CYB5R4: variants seen among roughly 807,000 people sequenced by gnomAD.
The protein encoded by CYB5R4 is N-terminal cytochrome b5 and cytochrome b5 oxidoreductase domain-containing protein.
CYB5R4 carries 55 observed loss-of-function variants against 70.2 expected under a neutral mutation model. The ratio of observed to expected loss-of-function variants is 0.78; its 90% confidence interval spans 0.63 to 0.98. CYB5R4 has a LOEUF of 0.98. Ranked by LOEUF, CYB5R4 falls within the 50% of genes least tolerant of loss-of-function variation. The pLI is 0.00. For missense variants in CYB5R4, 562 were observed against 612.6 expected, an observed-to-expected ratio of 0.92 and a Z score of 0.87; for synonymous variants, 197 against 199.5, an observed-to-expected ratio of 0.99 and a Z score of 0.11.
At chr6:83,959,799 C>A in intron 15 of CYB5R4, 25 bp from the exon 16 acceptor site, 1 of 1,582,868 alleles carries the variant, frequency 6.3e-7, no homozygotes, top group Non-Finnish European at 8.6e-7. Flanking sequence ...CCCTAAGAAA[C>A]ATGTGCTTTT....
At chr6:83,926,529 G>A (rs1245988985) in intron 10 of CYB5R4, among the ~76,000 whole-genome samples, 2 of 151,954 alleles carry the variant, frequency 1.3e-5, no homozygotes, top group African/African-American at 4.8e-5. Context: ...GTGTGTCTGT[G>A]TCCTAATGTC....
chr6:83,866,965 T>C (rs907651892), intron 2 of CYB5R4, among the ~76,000 whole-genome samples: 2 of 152,170 alleles, frequency 1.3e-5, no homozygotes, highest in Non-Finnish European at 2.9e-5. Context: ...CTACTCTATC[T>C]ATAGTAAGAT....
At chr6:83,927,271 A>G (rs1473491222) in intron 10 of CYB5R4, among the ~76,000 whole-genome samples, 1 of 152,230 alleles carries the variant, frequency 6.6e-6, no homozygotes, top group East Asian at 1.9e-4. Context: ...CTCCACTCAG[A>G]ACACTAAAAT....
intron 2 of CYB5R4, among the ~76,000 whole-genome samples, chr6:83,887,703 C>T (rs2099460472): frequency 6.9e-6 from 1 of 145,408 alleles, no homozygotes; most frequent in South Asian, 2.2e-4. Context: ...CTCAGTCAGT[C>T]CTTTTTTGGG....
At chr6:83,881,873 C>T (rs765524773) in intron 2 of CYB5R4, among the ~76,000 whole-genome samples, 41 of 152,186 alleles carry the variant, frequency 2.7e-4, no homozygotes, top group Non-Finnish European at 5.0e-4. Context: ...CTTGAATATA[C>T]CGATACCACA....
chr6:83,859,698 C>G lies in CYB5R4; in HGVS notation c.-85C>G, dbSNP rs1378321609. ...CCCGGAAGTGGGTCGGGGGCTTGGC[C>G]TCTGCCCGGCCACAGAGCCGGAGCT... On this transcript the variant is annotated 5_prime_UTR_variant, in exon 1 of 16. Transcript: ENST00000369681. 11 of 1,487,738 alleles carry G rather than the reference C, an allele frequency of 7.4e-6. No individual in the cohort carries two copies. The East Asian group carries it at 2.3e-4, about 32-fold the overall frequency. The allele number at this position is 1,487,738 out of a possible 1,614,324, so 92.2% of individuals were successfully genotyped here. A position where few individuals can be genotyped will look rare whatever the true frequency, so the allele number is the denominator to read the frequency against.
intron 14 of CYB5R4, among the ~76,000 whole-genome samples, chr6:83,945,924 G>A (rs1477038915): frequency 6.6e-6 from 1 of 152,122 alleles, no homozygotes; most frequent in Admixed American, 6.6e-5. Flanking sequence ...AACTGAGGTA[G>A]TAATTAATAG....
chr6:83,959,961 C>CATAACAAAAGGTTAACT lies in CYB5R4; in HGVS notation c.*85_*101dup. 2.8e-6 allele frequency: 3 copies of CATAACAAAAGGTTAACT among 1,081,088 alleles called. No homozygotes were observed. The South Asian group carries it at 4.8e-5, about 17-fold the overall frequency. The allele number at this position is 1,081,088 out of a possible 1,614,324, so 67.0% of individuals were successfully genotyped here. On this transcript the variant is annotated 3_prime_UTR_variant, in exon 16 of 16. Transcript: ENST00000369681. ...GGTTTTTTAAGAGAACATTTTTGTA[C>CATAACAAAAGGTTAACT]ATAACAAAAGGTTAACTAGAATCCA...
intron 14 of CYB5R4, among the ~76,000 whole-genome samples, chr6:83,941,718 C>T (rs1462980009): frequency 6.6e-6 from 1 of 152,142 alleles, no homozygotes; most frequent in African/African-American, 2.4e-5. Context: ...GAAGTATTTA[C>T]TATTCTTTAC....
chr6:83,867,840 A>G (rs2099456970), intron 2 of CYB5R4, among the ~76,000 whole-genome samples: 1 of 152,136 alleles, frequency 6.6e-6, no homozygotes, highest in Non-Finnish European at 1.5e-5. Context: ...ATTGTCTGTA[A>G]AAAGTATAAT....
intron 3 of CYB5R4, among the ~76,000 whole-genome samples, chr6:83,897,240 T>A: frequency 6.6e-6 from 1 of 152,192 alleles, no homozygotes; most frequent in Non-Finnish European, 1.5e-5. Flanking sequence ...GGACATGAGC[T>A]CATCCTTTTT....
chr6:83,908,545 A>G (rs1348180557), intron 3 of CYB5R4, among the ~76,000 whole-genome samples: 1 of 152,190 alleles, frequency 6.6e-6, no homozygotes, highest in African/African-American at 2.4e-5. Flanking sequence ...TTCATGAAGG[A>G]TATTCTTAAG....
rs1272669224 is a variant in CYB5R4 at position 83,966,339 on chromosome 6, A to T, written c.*6461A>T. 1.3e-5 allele frequency: 2 copies of T among 152,192 alleles called. No individual in the cohort carries two copies. The highest frequency in any genetic ancestry group is 6.5e-5 in the Admixed American group (1 of 15,272). The allele number at this position is 152,192 out of a possible 1,614,324, so 9.4% of individuals were successfully genotyped here. On this transcript the variant is annotated 3_prime_UTR_variant, in exon 16 of 16. Transcript: ENST00000369681. Reference sequence around the variant, plus strand: ...CTAAGACTAAACTAGAAAGAACATAAGAGGAAATACATATTATATAAGAAG... The same window carrying T: ...CTAAGACTAAACTAGAAAGAACATATGAGGAAATACATATTATATAAGAAG...
chr6:83,868,227 T>A (rs1419788678), intron 2 of CYB5R4, among the ~76,000 whole-genome samples: 1 of 152,122 alleles, frequency 6.6e-6, no homozygotes, highest in Non-Finnish European at 1.5e-5. Context: ...AATTGCCCCA[T>A]TTTTAGATTA....
intron 3 of CYB5R4, among the ~76,000 whole-genome samples, chr6:83,902,277 G>T (rs2099463099): frequency 6.6e-6 from 1 of 152,074 alleles, no homozygotes; most frequent in South Asian, 2.1e-4. Flanking sequence ...TGAAGAAGGT[G>T]TCCTTTCCTC....
intron 15 of CYB5R4, 26 bp downstream of exon 15, chr6:83,955,488 G>A (rs374355963): frequency 6.9e-6 from 11 of 1,598,940 alleles, no homozygotes; most frequent in Middle Eastern, 3.3e-4. Context: ...GTAGGAAACA[G>A]ACTGCCCAAC....
intron 1 of CYB5R4, among the ~76,000 whole-genome samples, chr6:83,861,762 G>A (rs2099455975): frequency 6.6e-6 from 1 of 152,214 alleles, no homozygotes; most frequent in Non-Finnish European, 1.5e-5. Flanking sequence ...GAATAGTTGG[G>A]TAAATAATTA....
At chr6:83,931,439 CTT>C (rs2099468120) in intron 10 of CYB5R4, among the ~76,000 whole-genome samples, 1 of 152,188 alleles carries the variant, frequency 6.6e-6, no homozygotes, top group Admixed American at 6.5e-5. Context: ...CCATTGAAGA[CTT>C]TACCTGTGTT....
In CYB5R4 at chr6:83,961,186, C is replaced by T. The variant is rs1297918567; in HGVS notation, c.*1308C>T. 1 of 152,192 alleles carries T rather than the reference C, an allele frequency of 6.6e-6. No homozygotes were observed. The highest frequency in any genetic ancestry group is 1.5e-5 in the Non-Finnish European group (1 of 68,050). The allele number at this position is 152,192 out of a possible 1,614,324, so 9.4% of individuals were successfully genotyped here. A position where few individuals can be genotyped will look rare whatever the true frequency, so the allele number is the denominator to read the frequency against. On this transcript the variant is annotated 3_prime_UTR_variant, in exon 16 of 16. Transcript: ENST00000369681. ...GCTGGTTGAACACTATCACTTTTTCCTGTGCCTCTGTCTTCTGTAGCCAAT... is the reference window on the plus strand; with the variant it reads ...GCTGGTTGAACACTATCACTTTTTCTTGTGCCTCTGTCTTCTGTAGCCAAT...
Sources: allele counts gnomAD v4.1 joint callset (sites outside exome capture counted in the v4.1 genomes callset), GRCh38; gene constraint gnomAD v4.1.1; transcripts MANE v1.5; gene names NCBI Gene and HGNC (gene_info 2026-07-23, HGNC 2026-07-21).